The following CFAP43 variants were observed in gnomAD, a reference collection of about 807,000 sequenced individuals.
CFAP43 encodes the protein cilia- and flagella-associated protein 43.
CFAP43 carries 155 observed loss-of-function variants against 218.9 expected under a neutral mutation model. The ratio of observed to expected loss-of-function variants is 0.71; its 90% CI spans 0.62 to 0.81. CFAP43 has a LOEUF of 0.81. CFAP43 is among the 30% of genes least tolerant of loss of function. The pLI, the probability that CFAP43 is intolerant of heterozygous loss-of-function variation, is 0.00. For missense variants in CFAP43, 1,778 were observed against 1,954.3 expected, an observed-to-expected ratio of 0.91 and a Z score of 1.70; for synonymous variants, 645 against 681.3, an observed-to-expected ratio of 0.95 and a Z score of 0.83.
At chr10:104,227,979 G>A (rs1226659358) in intron 2 of CFAP43, among the ~76,000 whole-genome samples, 1 of 150,848 alleles carries the variant, frequency 6.6e-6, no homozygotes, top group Non-Finnish European at 1.5e-5. Flanking sequence ...GAGTAGCTGG[G>A]ATTACAGGCA....
intron 23 of CFAP43, 69 bp downstream of exon 23, chr10:104,166,419 T>A (rs1046842744): frequency 2.8e-5 from 31 of 1,097,580 alleles, no homozygotes; most frequent in Admixed American, 7.3e-5. Flanking sequence ...TTGTTTTCAA[T>A]GTGAGGCCTT....
chr10:104,217,575 A>G (rs1248294789), intron 3 of CFAP43, among the ~76,000 whole-genome samples: 2 of 152,158 alleles, frequency 1.3e-5, no homozygotes, highest in Non-Finnish European at 2.9e-5. Context: ...CACCCGCAAG[A>G]GGGCTGGACC....
chr10:104,166,928 A>G (rs1351120284), intron 22 of CFAP43, among the ~76,000 whole-genome samples: 1 of 152,254 alleles, frequency 6.6e-6, no homozygotes, highest in Non-Finnish European at 1.5e-5. Context: ...AATCAAAGGA[A>G]TAAAAATTGT....
At chr10:104,195,658 C>T (rs1465680984) in intron 10 of CFAP43, among the ~76,000 whole-genome samples, 1 of 152,144 alleles carries the variant, frequency 6.6e-6, no homozygotes, top group Non-Finnish European at 1.5e-5. Flanking sequence ...CATTTCTCAA[C>T]TAGAACTGTG....
chr10:104,173,738 T>C (rs1263848032), intron 19 of CFAP43, among the ~76,000 whole-genome samples: 3 of 152,292 alleles, frequency 2.0e-5, no homozygotes, highest in East Asian at 3.9e-4. Context: ...GCAGACAGAA[T>C]ACCTGCTAAA....
intron 1 of CFAP43, among the ~76,000 whole-genome samples, chr10:104,231,291 G>A (rs2091441875): frequency 6.6e-6 from 1 of 152,176 alleles, no homozygotes; most frequent in Non-Finnish European, 1.5e-5. Flanking sequence ...CCTGCTTTGT[G>A]GTTGTTAGCA....
intron 19 of CFAP43, among the ~76,000 whole-genome samples, chr10:104,175,696 G>T (rs543616936): frequency 6.6e-6 from 1 of 152,286 alleles, no homozygotes; most frequent in African/African-American, 2.4e-5. Flanking sequence ...GAGAGAGTAT[G>T]GTACCGCATA....
chr10:104,151,135 A>G (rs2088235524), intron 28 of CFAP43, among the ~76,000 whole-genome samples: 2 of 152,150 alleles, frequency 1.3e-5, no homozygotes, highest in African/African-American at 4.8e-5. Flanking sequence ...TTCTCAATCC[A>G]GTTTATCATT....
chr10:104,203,909 G>A, intron 7 of CFAP43, 106 bp from the exon 8 acceptor site: 2 of 1,010,986 alleles, frequency 2.0e-6, no homozygotes, highest in South Asian at 2.7e-5. Context: ...CTGCTTATTT[G>A]GAATCATCAT....
intron 27 of CFAP43, among the ~76,000 whole-genome samples, chr10:104,157,930 C>A (rs1360351654): frequency 6.6e-6 from 1 of 151,946 alleles, no homozygotes; most frequent in Non-Finnish European, 1.5e-5. Context: ...ATTCTTGGTG[C>A]CTAAAACATC....
At chr10:104,137,763 G>A (rs1437338689) in intron 34 of CFAP43, among the ~76,000 whole-genome samples, 3 of 151,958 alleles carry the variant, frequency 2.0e-5, no homozygotes, top group Non-Finnish European at 2.9e-5. Flanking sequence ...ATCATGCTCC[G>A]GCACTCCAGC....
chr10:104,200,010 C>T (rs1298841089), intron 8 of CFAP43, among the ~76,000 whole-genome samples: 4 of 152,012 alleles, frequency 2.6e-5, no homozygotes, highest in African/African-American at 7.3e-5. Context: ...TAAGGAACTC[C>T]CCAAACCTCC....
At position 104,162,027 on chromosome 10, in the gene CFAP43, T is replaced by C. The variant is rs1344156019; in HGVS notation, c.3348A>G (p.Arg1116=). Residue 1116 remains arginine (R), a synonymous_variant, in exon 26 of 38, where the codon AGA becomes AGG. Transcript: ENST00000357060. The stretch of plus-strand genomic sequence containing the variant: ...CCATCATGTCCATCAGAGCTCGGAG[T>C]CTTGTACTGGCATCCTGGGAAAGAG... The part of the protein sequence containing the change: ...HWLLIQDAST[R]LRALMDMMGG... The C allele has an allele frequency of 6.2e-7, 1 of 1,613,296 alleles. No individual in the cohort carries two copies. Among genetic ancestry groups the C allele is most frequent in the Non-Finnish European group, 8.5e-7 (1 of 1,179,846 alleles).
intron 3 of CFAP43, among the ~76,000 whole-genome samples, chr10:104,220,683 T>C (rs1421844960): frequency 1.3e-5 from 2 of 152,180 alleles, no homozygotes; most frequent in Non-Finnish European, 2.9e-5. Context: ...AACCAGACTT[T>C]GTACCTTGCT....
At chr10:104,188,650 T>C (rs755753567) in intron 12 of CFAP43, among the ~76,000 whole-genome samples, 1 of 152,196 alleles carries the variant, frequency 6.6e-6, no homozygotes, top group Non-Finnish European at 1.5e-5. Flanking sequence ...CCAGTCTGTC[T>C]GGGTTTCCTT....
In CFAP43 at chr10:104,203,672, C is replaced by T. The variant is rs1335845922; in HGVS notation, c.1095G>A (p.Lys365=). 3 of 1,597,170 alleles carry T rather than the reference C, an allele frequency of 1.9e-6. No individual in the cohort carries two copies. Among genetic ancestry groups the T allele is most frequent in the Non-Finnish European group, 2.6e-6 (3 of 1,173,804 alleles). The part of the protein sequence containing the change: ...NYTVLLIQTD[K]GSVYIYTFGK... ...ATCAAGAAATTACCATCCAACATAC[C>T]TTGTCTGTTTGAATCAGCAACACTG... Residue 365 remains lysine (K), a splice_region_variant and synonymous_variant, in exon 8 of 38, where the codon AAG becomes AAA. Transcript: ENST00000357060.
chr10:104,215,720 C>A (rs926960471), intron 3 of CFAP43, among the ~76,000 whole-genome samples: 18 of 151,766 alleles, frequency 1.2e-4, no homozygotes, highest in Non-Finnish European at 1.9e-4. Context: ...TCCCCTCTCC[C>A]GAAACCTCTA....
chr10:104,228,840 T>C (rs1189047460), intron 2 of CFAP43, among the ~76,000 whole-genome samples: 2 of 152,220 alleles, frequency 1.3e-5, no homozygotes, highest in Non-Finnish European at 2.9e-5. Context: ...CATCATCCCC[T>C]TTCCCATAGC....
chr10:104,190,075 G>A (rs2090159945), intron 12 of CFAP43, among the ~76,000 whole-genome samples: 1 of 145,810 alleles, frequency 6.9e-6, no homozygotes, highest in Non-Finnish European at 1.5e-5. Flanking sequence ...GGCAGAGCTT[G>A]CAGTGAGCCA....
Sources: gnomAD v4.1 joint callset for allele counts (sites outside exome capture counted in the v4.1 genomes callset) on GRCh38, gnomAD v4.1.1 for gene constraint, MANE v1.5 for transcripts, NCBI Gene and HGNC (gene_info 2026-07-23, HGNC 2026-07-21) for gene names.